The following PLCB4 variants were observed in gnomAD, a reference collection of about 807,000 sequenced individuals.
PLCB4 encodes the protein phospholipase C beta 4.
PLCB4 carries 77 observed loss-of-function variants against 178.8 expected under a neutral mutation model. The observed-to-expected ratio is 0.43, with a 90% CI of 0.36 to 0.52. The LOEUF (loss-of-function observed/expected upper bound fraction) is 0.52. Among genes scored for constraint, PLCB4 ranks in the 20% least tolerant of loss-of-function variants. PLCB4 has a pLI of 0.00. For synonymous variants in PLCB4, 496 were observed against 490.8 expected (o/e 1.01, Z -0.14); for missense variants, 1,024 against 1,453.4 (o/e 0.70, Z 4.80).
chr20:9,365,342 G>A, intron 8 of PLCB4, 119 bp from the exon 9 acceptor site: 1 of 646,230 alleles, frequency 1.5e-6, no homozygotes, highest in Non-Finnish European at 2.8e-6. Context: ...GCACATAATT[G>A]TCTGATTTTC....
intron 27 of PLCB4, among the ~76,000 whole-genome samples, chr20:9,422,863 T>C (rs1308779058): frequency 1.3e-5 from 2 of 152,228 alleles, no homozygotes; most frequent in African/African-American, 2.4e-5. Flanking sequence ...CCTCTTCATC[T>C]TCATTAAGCT....
chr20:9,385,586 C>T (rs978773563), intron 14 of PLCB4, among the ~76,000 whole-genome samples: 7 of 136,760 alleles, frequency 5.1e-5, no homozygotes, highest in Admixed American at 7.4e-5. Context: ...TCAGACGGGG[C>T]GGCTGGCAGA....
In PLCB4 at chr20:9,433,362, G is replaced by C. The variant is rs6056619; in HGVS notation, c.2525-2198G>C. On this transcript the variant is annotated intron_variant, in intron 28 of 39. Coordinates refer to ENST00000378473, the MANE Select transcript of PLCB4 (RefSeq NM_001377142.1). Reference sequence around the variant, plus strand: ...TATCAGAGACATAGTGTGAAATCTGGTACCTTGATTCAAGCAATGTAACTA... The same window carrying C: ...TATCAGAGACATAGTGTGAAATCTGCTACCTTGATTCAAGCAATGTAACTA... 6.4e-3 allele frequency among the ~76,000 whole-genome samples: 973 copies of C among 152,280 alleles called. 13 individuals are homozygous for C. The highest frequency in any genetic ancestry group is 0.022 in the African/African-American group (918 of 41,558).
chr20:9,147,645 ATG>A (rs1381563483), intron 2 of PLCB4, among the ~76,000 whole-genome samples: 1 of 152,038 alleles, frequency 6.6e-6, no homozygotes, highest in Admixed American at 6.6e-5. Context: ...CCTGCTAAAT[ATG>A]TGTCTCATCC....
Position 9,423,796 on chromosome 20 carries a change from A to G in PLCB4, c.2368A>G (p.Asn790Asp), listed in dbSNP as rs1256912428. The G allele has an allele frequency of 1.2e-6, 2 of 1,614,040 alleles. No individual in the cohort carries two copies. The highest frequency in any genetic ancestry group is 1.7e-6 in the Non-Finnish European group (2 of 1,179,982). Reference protein sequence around the residue: ...AVLRIAVYDDNNKLIGQRILP... With the variant: ...AVLRIAVYDDDNKLIGQRILP... ...CTTGAGAATAGCTGTGTATGATGAT[A>G]ACAACAAGCTGATTGGCCAGAGGAT... Residue 790 changes from asparagine (N) to aspartate (D), a missense_variant, in exon 28 of 40, where the codon AAC (asparagine) becomes GAC (aspartate). Coordinates refer to ENST00000378473, the MANE Select transcript of PLCB4 (RefSeq NM_001377142.1).
intron 19 of PLCB4, among the ~76,000 whole-genome samples, chr20:9,398,113 C>T (rs1014831067): frequency 6.6e-5 from 10 of 152,154 alleles, no homozygotes; most frequent in Non-Finnish European, 1.2e-4. Context: ...CCAGATGGAA[C>T]ATCTAAGAGC....
At chr20:9,076,402 G>C (rs1286818282) in intron 1 of PLCB4, among the ~76,000 whole-genome samples, 1 of 152,132 alleles carries the variant, frequency 6.6e-6, no homozygotes, top group Non-Finnish European at 1.5e-5. Context: ...CGGAGGCAGA[G>C]GCTGCAGTGA....
At chr20:9,412,328 G>A (rs1405810386) in intron 25 of PLCB4, among the ~76,000 whole-genome samples, 12 of 152,104 alleles carry the variant, frequency 7.9e-5, no homozygotes, top group Admixed American at 7.9e-4. Context: ...GTCAGTAAAA[G>A]CCCTAGGCTG....
At chr20:9,160,111 T>A (rs112646796) in intron 2 of PLCB4, among the ~76,000 whole-genome samples, 176 of 152,282 alleles carry the variant, frequency 1.2e-3, no homozygotes, top group African/African-American at 3.9e-3. Flanking sequence ...TGGATCCAAC[T>A]CCGTTTGGTG....
intron 3 of PLCB4, among the ~76,000 whole-genome samples, chr20:9,304,865 C>CTT (rs201616200): frequency 2.1e-5 from 3 of 144,922 alleles, no homozygotes; most frequent in East Asian, 2.0e-4. Context: ...TTTTTATTTT[C>CTT]TTTTTTTTTT....
chr20:9,203,520 A>G (rs1356964959), intron 2 of PLCB4, among the ~76,000 whole-genome samples: 3 of 152,212 alleles, frequency 2.0e-5, no homozygotes, highest in African/African-American at 7.2e-5. Context: ...CTCTATATGC[A>G]TAGTTATGTC....
chr20:9,412,526 G>C (rs1035824671), intron 25 of PLCB4, among the ~76,000 whole-genome samples: 1 of 152,142 alleles, frequency 6.6e-6, no homozygotes, highest in Non-Finnish European at 1.5e-5. Context: ...AACGAAACAG[G>C]GAACTGAAAA....
intron 2 of PLCB4, among the ~76,000 whole-genome samples, chr20:9,115,903 T>C (rs564786161): frequency 4.9e-4 from 74 of 152,032 alleles, no homozygotes; most frequent in Non-Finnish European, 9.3e-4. Flanking sequence ...ATTTGTAATA[T>C]GCTTTATCAA....
At chr20:9,367,713 C>T (rs1368275294) in intron 9 of PLCB4, among the ~76,000 whole-genome samples, 1 of 152,208 alleles carries the variant, frequency 6.6e-6, no homozygotes, top group Non-Finnish European at 1.5e-5. Context: ...TTCTAACCAG[C>T]AGTCTTGGTT....
chr20:9,390,523 C>T lies in PLCB4; in HGVS notation c.1239-8C>T. On this transcript the variant is annotated splice_region_variant and splice_polypyrimidine_tract_variant and intron_variant, in intron 16 of 39. Coordinates refer to ENST00000378473, the MANE Select transcript of PLCB4 (RefSeq NM_001377142.1). ...TTGAATTTACAAATGCCACTTTTTT[C>T]TCTCCAGCAAATATCAACAGTACAA... 1.3e-6 allele frequency: 2 copies of T among 1,489,366 alleles called. No homozygotes were observed. The highest frequency in any genetic ancestry group is 1.9e-6 in the Non-Finnish European group (2 of 1,069,728). 92.3% of individuals were successfully genotyped at this position (1,489,366 alleles called of 1,614,324 possible). A position where few individuals can be genotyped will look rare whatever the true frequency, so the allele number is the denominator to read the frequency against.
At chr20:9,175,721 C>G (rs2093143599) in intron 2 of PLCB4, among the ~76,000 whole-genome samples, 1 of 152,196 alleles carries the variant, frequency 6.6e-6, no homozygotes, top group Non-Finnish European at 1.5e-5. Context: ...TCCCTCCCCT[C>G]ATCTGCCTCC....
At position 9,384,505 on chromosome 20, in the gene PLCB4, GA is replaced by G. The variant is rs1053470148; in HGVS notation, c.1064+98del. On this transcript the variant is annotated intron_variant, in intron 14 of 39. Coordinates refer to ENST00000378473, the MANE Select transcript of PLCB4 (RefSeq NM_001377142.1). ...AAAAACAGGAAATAGTAATCAGGAT[GA>G]AAAGGAAATTTGTTTATTCCCTTTA... The G allele has an allele frequency of 5.2e-5, 46 of 879,248 alleles. No individual in the cohort carries two copies. In the African/African-American group the frequency reaches 6.8e-4, roughly 13 times the overall value. 54.5% of individuals were successfully genotyped at this position (879,248 alleles called of 1,614,324 possible).
chr20:9,319,999 C>A (rs140141129), intron 4 of PLCB4, among the ~76,000 whole-genome samples: 4 of 152,076 alleles, frequency 2.6e-5, no homozygotes, highest in Admixed American at 2.6e-4. Flanking sequence ...CTGATCTAGA[C>A]CCTAAGAGAG....
At chr20:9,325,732 G>A (rs1471347174) in intron 4 of PLCB4, among the ~76,000 whole-genome samples, 1 of 152,188 alleles carries the variant, frequency 6.6e-6, no homozygotes, top group Non-Finnish European at 1.5e-5. Flanking sequence ...AAACAGTTTG[G>A]CCTCTCCCAG....
Sources: allele counts gnomAD v4.1 joint callset (sites outside exome capture counted in the v4.1 genomes callset), GRCh38; gene constraint gnomAD v4.1.1; transcripts MANE v1.5; gene names NCBI Gene and HGNC (gene_info 2026-07-23, HGNC 2026-07-21).